MARCHF1: variants seen among roughly 807,000 people sequenced by gnomAD.
MARCHF1 encodes membrane associated ring-CH-type finger 1.
MARCHF1 carries 40 observed loss-of-function variants against 54.2 expected under a neutral mutation model. That is an observed-to-expected ratio of 0.74 (90% CI 0.57 to 0.96). MARCHF1 has a LOEUF of 0.96. MARCHF1 is among the 40% of genes least tolerant of loss of function. The pLI, the probability that MARCHF1 is intolerant of heterozygous loss-of-function variation, is 0.00. For missense variants in MARCHF1, 586 were observed against 656.5 expected, an observed-to-expected ratio of 0.89 and a Z score of 1.17; for synonymous variants, 236 against 236.3, an observed-to-expected ratio of 1.00 and a Z score of 0.01.
chr4:164,192,335 G>A lies in MARCHF1; in HGVS notation c.-322-80673C>T, dbSNP rs114839668. Among the ~76,000 whole-genome samples the A allele has an allele frequency of 6.2e-3, 926 of 148,216 alleles. 7 individuals are homozygous for A. Among genetic ancestry groups the A allele is most frequent in the African/African-American group, 0.022 (871 of 39,056 alleles). The stretch of plus-strand genomic sequence containing the variant: ...TAGGATTTACTATTTACTTATATAA[G>A]TTTAGGAGAATTTAGTTTTTAAAGC... On this transcript the variant is annotated intron_variant, in intron 1 of 9. Coordinates refer to ENST00000514618, the MANE Select transcript of MARCHF1 (RefSeq NM_001394959.1).
At chr4:163,578,006 G>T (rs747028811) in intron 8 of MARCHF1, among the ~76,000 whole-genome samples, 22 of 151,808 alleles carry the variant, frequency 1.4e-4, no homozygotes, top group Non-Finnish European at 4.4e-5. Context: ...ATGCTTTGGG[G>T]AAATCTTTAG....
chr4:163,775,761 T>C (rs954803635), intron 4 of MARCHF1, among the ~76,000 whole-genome samples: 6 of 152,016 alleles, frequency 3.9e-5, no homozygotes, highest in African/African-American at 1.4e-4. Context: ...AGTGAGCAAA[T>C]TGATCTGAGT....
intron 5 of MARCHF1, among the ~76,000 whole-genome samples, chr4:163,614,677 A>T (rs1741456111): frequency 6.6e-6 from 1 of 152,110 alleles, no homozygotes; most frequent in Non-Finnish European, 1.5e-5. Context: ...GGTCCCCCCA[A>T]ATATCTCAAC....
chr4:164,012,756 T>G (rs1391436364), intron 2 of MARCHF1, among the ~76,000 whole-genome samples: 1 of 152,110 alleles, frequency 6.6e-6, no homozygotes, highest in Non-Finnish European at 1.5e-5. Flanking sequence ...CAGGGAATTC[T>G]CCCTTATCTT....
chr4:164,355,398 T>C (rs1730492379), intron 1 of MARCHF1, among the ~76,000 whole-genome samples: 1 of 122,334 alleles, frequency 8.2e-6, no homozygotes, highest in South Asian at 2.9e-4. Flanking sequence ...AACAACATGG[T>C]ACTGGTACCA....
chr4:164,164,024 T>C (rs905868602), intron 1 of MARCHF1, among the ~76,000 whole-genome samples: 4 of 151,816 alleles, frequency 2.6e-5, no homozygotes. Flanking sequence ...GAATATATGT[T>C]CAACTAAAAG....
intron 4 of MARCHF1, among the ~76,000 whole-genome samples, chr4:163,739,437 G>A (rs959676043): frequency 3.9e-5 from 6 of 152,096 alleles, no homozygotes; most frequent in African/African-American, 1.4e-4. Flanking sequence ...CGACATCCCC[G>A]CTTTTGACAT....
chr4:164,033,431 T>A (rs1006981319), intron 2 of MARCHF1, among the ~76,000 whole-genome samples: 1 of 152,132 alleles, frequency 6.6e-6, no homozygotes. Flanking sequence ...AAATGGGATC[T>A]AATTAAACTA....
At chr4:163,617,021 A>G (rs1171220351) in intron 5 of MARCHF1, among the ~76,000 whole-genome samples, 1 of 152,188 alleles carries the variant, frequency 6.6e-6, no homozygotes, top group Admixed American at 6.6e-5. Flanking sequence ...TCATCAGCAG[A>G]TGAATGGATA....
intron 3 of MARCHF1, among the ~76,000 whole-genome samples, chr4:163,930,853 G>A (rs149261786): frequency 2.0e-4 from 31 of 152,204 alleles, no homozygotes; most frequent in Non-Finnish European, 1.3e-4. Context: ...TGGATGAAAT[G>A]AATGTACTTT....
rs1366212227 is a variant in MARCHF1 at position 163,525,817 on chromosome 4, C to A, written c.*2931G>T. The A allele has an allele frequency of 1.3e-5, 2 of 151,782 alleles. No individual in the cohort carries two copies. The highest frequency in any genetic ancestry group is 4.8e-5 in the African/African-American group (2 of 41,318). 9.4% of individuals were successfully genotyped at this position (151,782 alleles called of 1,614,324 possible). A position where few individuals can be genotyped will look rare whatever the true frequency, so the allele number is the denominator to read the frequency against. ...TTGAAGGGTATAGTCAGTCAGTCTA[C>A]AAAAAAGCACTGCCACAAAGCTAAA... On this transcript the variant is annotated 3_prime_UTR_variant, in exon 10 of 10. Transcript: ENST00000514618.
chr4:163,797,067 T>C (rs1313800342), intron 4 of MARCHF1, among the ~76,000 whole-genome samples: 1 of 152,172 alleles, frequency 6.6e-6, no homozygotes, highest in African/African-American at 2.4e-5. Flanking sequence ...GAATGGTCTG[T>C]TGGTAATAAA....
chr4:164,167,522 C>A (rs1310411862), intron 1 of MARCHF1, among the ~76,000 whole-genome samples: 1 of 151,394 alleles, frequency 6.6e-6, no homozygotes, highest in Non-Finnish European at 1.5e-5. Flanking sequence ...CTTCCTGATT[C>A]CAAATTATAT....
intron 1 of MARCHF1, among the ~76,000 whole-genome samples, chr4:164,315,978 A>G (rs758464397): frequency 2.9e-4 from 44 of 152,146 alleles, no homozygotes; most frequent in Non-Finnish European, 4.1e-4. Flanking sequence ...CTTAACTGTA[A>G]TACCTTGTGC....
chr4:163,702,882 C>T (rs1213617274), intron 4 of MARCHF1, among the ~76,000 whole-genome samples: 1 of 152,148 alleles, frequency 6.6e-6, no homozygotes, highest in Non-Finnish European at 1.5e-5. Flanking sequence ...TACACCAGTA[C>T]ATGGAAGAGG....
At chr4:163,742,384 CTCCTTCCTTCCTCCCTTCCTTCCT>C (rs1453007105) in intron 4 of MARCHF1, among the ~76,000 whole-genome samples, 68 of 97,820 alleles carry the variant, frequency 7.0e-4, no homozygotes, top group African/African-American at 2.2e-3. Flanking sequence ...CCCTCGCTAC[CTCCTTCCTTCCTCCCTTCCTTCCT>C]TCCTTCCTTC....
rs115500534 is a variant in MARCHF1, at chr4:164,209,191, A to G, written c.-322-97529T>C. On this transcript the variant is annotated intron_variant, in intron 1 of 9. Coordinates refer to ENST00000514618, the MANE Select transcript of MARCHF1 (RefSeq NM_001394959.1). ...AGGAAAAATCTCTGTGGCTTAACATATTAGTTTCTCTGCTCAATCAAGAAA... is the reference window on the plus strand; with the variant it reads ...AGGAAAAATCTCTGTGGCTTAACATGTTAGTTTCTCTGCTCAATCAAGAAA... 5.8e-3 allele frequency among the ~76,000 whole-genome samples: 886 copies of G among 152,244 alleles called. 4 individuals are homozygous for G. Among genetic ancestry groups the G allele is most frequent in the African/African-American group, 0.02 (831 of 41,540 alleles).
chr4:163,546,052 G>C (rs546322445), intron 8 of MARCHF1, among the ~76,000 whole-genome samples: 47 of 151,810 alleles, frequency 3.1e-4, no homozygotes, highest in African/African-American at 1.1e-3. Flanking sequence ...TCAGGTCACT[G>C]CAACCGCTGC....
chr4:163,854,407 C>T (rs1384818741), intron 3 of MARCHF1, among the ~76,000 whole-genome samples: 2 of 152,136 alleles, frequency 1.3e-5, no homozygotes, highest in African/African-American at 4.8e-5. Context: ...TTATATCTCT[C>T]TTTGTGACAC....
Sources: gnomAD v4.1 joint callset for allele counts (sites outside exome capture counted in the v4.1 genomes callset) on GRCh38, gnomAD v4.1.1 for gene constraint, MANE v1.5 for transcripts, NCBI Gene and HGNC (gene_info 2026-07-23, HGNC 2026-07-21) for gene names.